Variants in CNR1 observed in about 807,000 individuals in gnomAD.
CNR1 encodes the protein cannabinoid receptor 1 (brain).
In CNR1, 10 loss-of-function variants were observed where a neutral mutation model predicts 23.0. The ratio of observed to expected loss-of-function variants is 0.43; its 90% CI spans 0.27 to 0.74. The LOEUF (loss-of-function observed/expected upper bound fraction) is 0.74. Ranked by LOEUF, CNR1 falls within the 30% of genes least tolerant of loss-of-function variation. CNR1 has a pLI of 0.19. For synonymous variants in CNR1, 271 were observed against 255.2 expected (o/e 1.06, Z -0.59); for missense variants, 422 against 618.8 (o/e 0.68, Z 3.37).
In CNR1 at chr6:88,145,201, G is replaced by A. The variant is rs761029757; in HGVS notation, c.74C>T (p.Ser25Leu). 25 of 1,614,130 alleles carry A rather than the reference G, an allele frequency of 1.5e-5. No individual in the cohort carries two copies. The highest frequency in any genetic ancestry group is 1.9e-5 in the Non-Finnish European group (23 of 1,180,012). Residue 25 changes from serine to leucine, a missense_variant, in exon 2 of 2, where the codon TCA becomes TTA. Physicochemically the swap from Ser to Leu is moderately radical, Grantham distance 145 (BLOSUM62 -2). Around this residue, in one of 4 missense-constraint regions of CNR1, gnomAD observed 120 missense variants for 117.6 expected, o/e 1.02. Coordinates refer to ENST00000369501, the MANE Select transcript of CNR1 (RefSeq NM_016083.6). ...TITTDLLYVG[S>L]NDIQYEDIKG... ...GATGTCTTCGTACTGAATGTCATTT[G>A]AGCCCACGTACAGGAGGTCAGTGGT...
At chr6:88,153,125 A>T (rs1314744486) in intron 1 of CNR1, among the ~76,000 whole-genome samples, 1 of 152,180 alleles carries the variant, frequency 6.6e-6, no homozygotes, top group Non-Finnish European at 1.5e-5. Context: ...CATTATTTTT[A>T]AAAAATCACT....
rs1776889877 is a variant in CNR1 at position 88,142,713 on chromosome 6, G to C, written c.*1143C>G. On this transcript the variant is annotated 3_prime_UTR_variant, in exon 2 of 2. Transcript: ENST00000369501. Reference sequence around the variant, plus strand: ...TGGTAAAAGTTTATACTTGGTCACAGTTTTCTCACTTTATGACATTACTGT... The same window carrying C: ...TGGTAAAAGTTTATACTTGGTCACACTTTTCTCACTTTATGACATTACTGT... 6.6e-6 allele frequency: 1 copy of C among 152,592 alleles called. No homozygotes were observed. The highest frequency in any genetic ancestry group is 2.4e-5 in the African/African-American group (1 of 41,450). 9.5% of individuals were successfully genotyped at this position (152,592 alleles called of 1,614,324 possible). A position where few individuals can be genotyped will look rare whatever the true frequency, so the allele number is the denominator to read the frequency against.
Position 88,144,872 on chromosome 6 carries a change from G to A in CNR1, c.403C>T (p.Leu135Phe). ...TLGTFTVLEN[L>F]LVLCVILHSR... is the part of the protein sequence containing the mutation. ...TGGAGGATGACGCACAGCACCAGGA[G>A]GTTCTCCAGGACCGTGAAGGTGCCC... The change falls in exon 2 of 2, where the codon CTC becomes TTC. Residue 135 changes from leucine (L) to phenylalanine (F), a missense_variant. Physicochemically the swap from Leu to Phe is conservative, Grantham distance 22. Transcript: ENST00000369501. This position sits in a 1 kb window ranked among gnomAD's most constrained non-coding sequence, Gnocchi z 7.8. 2 of 1,614,208 alleles carry A rather than the reference G, an allele frequency of 1.2e-6. No homozygotes were observed. The highest frequency in any genetic ancestry group is 2.2e-5 in the South Asian group (2 of 91,074).
intron 1 of CNR1, among the ~76,000 whole-genome samples, chr6:88,160,102 C>T (rs541491642): frequency 5.9e-5 from 9 of 151,918 alleles, no homozygotes; most frequent in African/African-American, 1.4e-4. Context: ...CTGAGGCAGG[C>T]GGATCACTTG....
At chr6:88,166,671 G>A (rs1300117201), upstream of CNR1, among the ~76,000 whole-genome samples, 2 of 152,200 alleles carry the variant, frequency 1.3e-5, no homozygotes, top group South Asian at 2.1e-4. Flanking sequence ...ACCCTGACCA[G>A]GCCAAGAAGG....
intron 1 of CNR1, among the ~76,000 whole-genome samples, chr6:88,165,427 C>G (rs943626889): frequency 2.0e-5 from 3 of 152,152 alleles, no homozygotes; most frequent in African/African-American, 4.8e-5. Flanking sequence ...TTACATTAGT[C>G]AGTTTCTAGG....
rs1277704608 is a variant in CNR1 at position 88,142,650 on chromosome 6, A to AT, written c.*1205dup. On this transcript the variant is annotated 3_prime_UTR_variant, in exon 2 of 2. Transcript: ENST00000369501. ...TCAACAAGATTACAGGAAGAACTCA[A>AT]TTTTAGAAACTGAATCCATGTGCAA... 1.3e-5 allele frequency: 2 copies of AT among 152,604 alleles called. No homozygotes were observed. The highest frequency in any genetic ancestry group is 4.8e-5 in the African/African-American group (2 of 41,466). 9.5% of individuals were successfully genotyped at this position (152,604 alleles called of 1,614,324 possible).
chr6:88,152,410 CAT>C (rs1477460052), intron 1 of CNR1, among the ~76,000 whole-genome samples: 1 of 152,116 alleles, frequency 6.6e-6, no homozygotes, highest in Non-Finnish European at 1.5e-5. Context: ...CAAAGGATCA[CAT>C]ATCTTATTCC....
upstream of CNR1, among the ~76,000 whole-genome samples, chr6:88,167,035 C>T (rs1275333467): frequency 6.6e-6 from 1 of 151,614 alleles, no homozygotes; most frequent in East Asian, 2.0e-4. Context: ...CAGGCGCCTT[C>T]TCCAGCGCCC....
intron 1 of CNR1, among the ~76,000 whole-genome samples, chr6:88,149,145 C>T (rs1309334998): frequency 1.3e-5 from 2 of 152,164 alleles, no homozygotes; most frequent in Admixed American, 1.3e-4. Flanking sequence ...GGCAGTGTCT[C>T]AGGGGCAAAG....
intron 1 of CNR1, among the ~76,000 whole-genome samples, chr6:88,151,433 G>T (rs1411924564): frequency 1.3e-5 from 2 of 152,204 alleles, no homozygotes; most frequent in African/African-American, 4.8e-5. Flanking sequence ...CAAGATTGGT[G>T]TTAGATGGTA....
intron 1 of CNR1, among the ~76,000 whole-genome samples, chr6:88,145,743 T>C (rs1049536258): frequency 6.6e-5 from 10 of 152,320 alleles, no homozygotes; most frequent in East Asian, 1.9e-4. Context: ...CCAGTGCTGG[T>C]TGGGGCCGGC....
intron 1 of CNR1, among the ~76,000 whole-genome samples, chr6:88,160,885 G>T (rs1211103618): frequency 6.6e-6 from 1 of 152,040 alleles, no homozygotes; most frequent in Non-Finnish European, 1.5e-5. Flanking sequence ...AAATGGTGAA[G>T]GAAAGAGGGG....
In CNR1 at chr6:88,144,067, T is replaced by A; in HGVS notation, c.1208A>T (p.Asp403Val). The change falls in exon 2 of 2, where the codon GAC becomes GTC. Residue 403 changes from aspartate to valine, a missense_variant. Asp to Val is a radical substitution (Grantham distance 152). This residue lies in a region of CNR1 where 79 missense variants were observed against 98.0 expected (regional missense o/e 0.81). Transcript: ENST00000369501. The surrounding 1 kb of genome is among the most constrained non-coding windows in gnomAD (Gnocchi z 7.8). ...CATGCTCCGGAAAGCGTGTCGCAGG[T>A]CCTTACTCCTCAGAGCATAGATGAT... ...NPIIYALRSK[D>V]LRHAFRSMFP... is the part of the protein sequence containing the mutation. 6.2e-7 allele frequency: 1 copy of A among 1,613,956 alleles called. No homozygotes were observed. The highest frequency in any genetic ancestry group is 8.5e-7 in the Non-Finnish European group (1 of 1,179,998).
intron 1 of CNR1, among the ~76,000 whole-genome samples, chr6:88,154,427 T>C (rs767795370): frequency 3.3e-5 from 5 of 152,254 alleles, no homozygotes; most frequent in Non-Finnish European, 7.3e-5. Context: ...GAATTAATGA[T>C]ACAAATAAAA....
chr6:88,160,624 G>T (rs1778051694), intron 1 of CNR1, among the ~76,000 whole-genome samples: 1 of 151,928 alleles, frequency 6.6e-6, no homozygotes, highest in Non-Finnish European at 1.5e-5. Flanking sequence ...TAGTAGAGAA[G>T]GGGTTTCACC....
At chr6:88,150,641 C>T (rs1248459894) in intron 1 of CNR1, among the ~76,000 whole-genome samples, 1 of 152,126 alleles carries the variant, frequency 6.6e-6, no homozygotes, top group Non-Finnish European at 1.5e-5. Context: ...AGAAATGATG[C>T]TGCAATAAAT....
intron 1 of CNR1, among the ~76,000 whole-genome samples, chr6:88,151,255 G>A (rs1025793523): frequency 6.6e-6 from 1 of 152,146 alleles, no homozygotes; most frequent in Admixed American, 6.5e-5. Context: ...AGCTCCATGT[G>A]GTTAGTAGCT....
intron 1 of CNR1, among the ~76,000 whole-genome samples, chr6:88,148,864 C>A (rs1434234977): frequency 4.6e-5 from 7 of 152,220 alleles, no homozygotes; most frequent in Admixed American, 3.3e-4. Flanking sequence ...AACCCTTTTA[C>A]AAGATCACTG....
Sources: gnomAD v4.1 joint callset for allele counts (sites outside exome capture counted in the v4.1 genomes callset) on GRCh38, gnomAD v4.1.1 for gene constraint, gnomAD v4.1.1 regional missense constraint, Gnocchi (gnomAD v3.1) non-coding constraint, MANE v1.5 for transcripts, NCBI Gene and HGNC (gene_info 2026-07-23, HGNC 2026-07-21) for gene names.